Variants in TENM3 observed in about 807,000 individuals in gnomAD.
TENM3 encodes the protein teneurin-3.
In TENM3, 63 loss-of-function variants were observed where a neutral mutation model predicts 255.1. The ratio of observed to expected loss-of-function variants is 0.25; its 90% CI spans 0.20 to 0.30. The LOEUF (loss-of-function observed/expected upper bound fraction) is 0.30. TENM3 is among the 10% of genes least tolerant of loss of function. The pLI, the probability that TENM3 is intolerant of heterozygous loss-of-function variation, is 1.00. For synonymous variants in TENM3, 1,306 were observed against 1,322.3 expected (o/e 0.99, Z 0.27); for missense variants, 2,929 against 3,461.1 (o/e 0.85, Z 3.86).
At chr4:182,740,904 C>T (rs927914185) in intron 18 of TENM3, among the ~76,000 whole-genome samples, 10 of 152,112 alleles carry the variant, frequency 6.6e-5, no homozygotes, top group Admixed American at 3.9e-4. Flanking sequence ...AGGCCGAGCA[C>T]GGTGGCTCAC....
In TENM3 at chr4:182,796,664, G is replaced by T; in HGVS notation, c.7241G>T (p.Gly2414Val). ...TDVNSWLVTF[G>V]FHLHNAIPGF... Reference sequence around the variant, plus strand: ...GTTAACAGCTGGCTGGTGACATTTGGTTTCCATCTGCACAATGCTATTCCT... The same window carrying T: ...GTTAACAGCTGGCTGGTGACATTTGTTTTCCATCTGCACAATGCTATTCCT... The change falls in exon 27 of 28, where the codon GGT becomes GTT. Residue 2414 changes from glycine (G) to valine (V), a missense_variant. Physicochemically the swap from Gly to Val is moderately radical, Grantham distance 109. Around this residue, in one of 6 missense-constraint regions of TENM3, gnomAD observed 476 missense variants for 480.1 expected, o/e 0.99. Coordinates refer to ENST00000511685, the MANE Select transcript of TENM3 (RefSeq NM_001080477.4). The T allele has an allele frequency of 6.2e-7, 1 of 1,610,746 alleles. No homozygotes were observed. The highest frequency in any genetic ancestry group is 8.5e-7 in the Non-Finnish European group (1 of 1,178,518).
the TENM3 span, among the ~76,000 whole-genome samples, chr4:181,660,784 A>T: frequency 6.6e-6 from 1 of 152,136 alleles, no homozygotes; most frequent in African/African-American, 2.4e-5. Context: ...TATGTTTTAC[A>T]CCTGTTGAGG....
upstream of TENM3, among the ~76,000 whole-genome samples, chr4:182,240,701 G>A (rs1374220708): frequency 6.6e-6 from 1 of 152,166 alleles, no homozygotes; most frequent in Non-Finnish European, 1.5e-5. Context: ...GATCTAGCAG[G>A]GTGTTCCTCA....
At chr4:182,512,344 A>T (rs971100251) in intron 3 of TENM3, among the ~76,000 whole-genome samples, 3 of 152,118 alleles carry the variant, frequency 2.0e-5, no homozygotes, top group African/African-American at 7.2e-5. Context: ...GAGTCACCAG[A>T]TGGGAAGAGC....
At chr4:181,673,744 G>A in the TENM3 span, among the ~76,000 whole-genome samples, 2 of 151,948 alleles carry the variant, frequency 1.3e-5, no homozygotes, top group African/African-American at 2.4e-5. Context: ...GGTAGTTATC[G>A]TAACTTCATT....
At chr4:182,170,316 G>T (rs541093153) in intron 1 of TENM3, among the ~76,000 whole-genome samples, 5 of 152,060 alleles carry the variant, frequency 3.3e-5, no homozygotes, top group African/African-American at 9.6e-5. Flanking sequence ...CTTCTATAAC[G>T]TAGTTATATT....
chr4:182,000,011 A>T, the TENM3 span, among the ~76,000 whole-genome samples: 1 of 152,184 alleles, frequency 6.6e-6, no homozygotes, highest in Non-Finnish European at 1.5e-5. Flanking sequence ...TAGTTATTTT[A>T]ATCCATTTGA....
intron 3 of TENM3, among the ~76,000 whole-genome samples, chr4:182,407,653 TG>T (rs1446325824): frequency 6.6e-6 from 1 of 152,186 alleles, no homozygotes; most frequent in Non-Finnish European, 1.5e-5. Flanking sequence ...AAGAAAGACT[TG>T]GGGCCCGAAC....
rs1036355898 is a variant in TENM3, at chr4:182,218,956, G to A, written c.-76+74202G>A. On this transcript the variant is annotated intron_variant, in intron 1 of 2. Transcript: ENST00000512480. ...AAAACCATAATAGGCCGGGTGCAGA[G>A]GTTCACGCCTGTAATCCCAGCACTG... Among the ~76,000 whole-genome samples, 14 of 152,324 alleles carry A rather than the reference G, an allele frequency of 9.2e-5. No homozygotes were observed. The East Asian group carries it at 2.7e-3, about 29-fold the overall frequency.
At chr4:182,456,254 T>TA (rs1424925398) in intron 3 of TENM3, among the ~76,000 whole-genome samples, 1 of 152,210 alleles carries the variant, frequency 6.6e-6, no homozygotes, top group Non-Finnish European at 1.5e-5. Context: ...TTTCACTTCT[T>TA]ACTACTGCTC....
At chr4:182,663,790 A>G (rs564269920) in intron 6 of TENM3, among the ~76,000 whole-genome samples, 35 of 147,558 alleles carry the variant, frequency 2.4e-4, no homozygotes, top group African/African-American at 7.9e-4. Context: ...TACGTTGTCT[A>G]TAAGCTGCCA....
intron 24 of TENM3, among the ~76,000 whole-genome samples, chr4:182,780,019 G>A (rs1765038917): frequency 6.6e-6 from 1 of 150,868 alleles, no homozygotes. Flanking sequence ...TGTTCACTCT[G>A]ATGGTAGTTT....
At chr4:182,778,721 C>T (rs1561240568) in intron 24 of TENM3, among the ~76,000 whole-genome samples, 1 of 152,154 alleles carries the variant, frequency 6.6e-6, no homozygotes, top group Non-Finnish European at 1.5e-5. Context: ...TGATTAATTA[C>T]AATCATGCTG....
At chr4:181,670,881 G>A in the TENM3 span, among the ~76,000 whole-genome samples, 3 of 152,084 alleles carry the variant, frequency 2.0e-5, no homozygotes, top group African/African-American at 7.2e-5. Context: ...AATCTAAACA[G>A]CAGAAAAAAG....
chr4:182,075,202 T>C, the TENM3 span, among the ~76,000 whole-genome samples: 1 of 143,490 alleles, frequency 7.0e-6, no homozygotes, highest in Non-Finnish European at 1.5e-5. Context: ...TTTTTTTTCT[T>C]TTTTTTTTTT....
chr4:182,282,894 GAAAAAAAA>G (rs35385277), intron 1 of TENM3, among the ~76,000 whole-genome samples: 9 of 70,954 alleles, frequency 1.3e-4, no homozygotes, highest in African/African-American at 4.8e-4. Context: ...CTCCATTTCA[GAAAAAAAA>G]AAAAAAAAAA....
chr4:182,295,955 T>A (rs954560117), intron 1 of TENM3, among the ~76,000 whole-genome samples: 1 of 152,176 alleles, frequency 6.6e-6, no homozygotes, highest in Non-Finnish European at 1.5e-5. Flanking sequence ...ATTATTATTT[T>A]TTTATTTATT....
chr4:182,559,627 A>G (rs1407228272), intron 3 of TENM3, among the ~76,000 whole-genome samples: 2 of 152,018 alleles, frequency 1.3e-5, no homozygotes, highest in Admixed American at 6.6e-5. Flanking sequence ...TTTTCTATTG[A>G]TTTTTTTAAT....
upstream of TENM3, chr4:182,142,753 C>G (rs1335090208): frequency 6.1e-6 from 1 of 164,602 alleles, no homozygotes; most frequent in Admixed American, 6.5e-5. Context: ...GACTGCTGGT[C>G]CCAGGAGAGG....
Sources: gnomAD v4.1 joint callset for allele counts (sites outside exome capture counted in the v4.1 genomes callset) on GRCh38, gnomAD v4.1.1 for gene constraint, gnomAD v4.1.1 regional missense constraint, MANE v1.5 for transcripts, NCBI Gene and HGNC (gene_info 2026-07-23, HGNC 2026-07-21) for gene names.